RFX6: variants seen among roughly 807,000 people sequenced by gnomAD.
The protein encoded by RFX6 is regulatory factor X6.
In RFX6, 50 loss-of-function variants were observed where a neutral mutation model predicts 110.8. That is an observed-to-expected ratio of 0.45 (90% CI 0.36 to 0.57). RFX6 has a LOEUF of 0.57. Among genes scored for constraint, RFX6 ranks in the 20% least tolerant of loss-of-function variants. The pLI is 0.00. For synonymous variants in RFX6, 383 were observed against 411.2 expected (o/e 0.93, Z 0.83); for missense variants, 990 against 1,127.0 (o/e 0.88, Z 1.74).
chr6:116,927,048 T>C lies in RFX6; in HGVS notation c.1907T>C (p.Ile636Thr), dbSNP rs747463623. 2 of 1,614,106 alleles carry C rather than the reference T, an allele frequency of 1.2e-6. No individual in the cohort carries two copies. The highest frequency in any genetic ancestry group is 2.2e-5 in the East Asian group (1 of 44,884). The change falls in exon 17 of 19, where the codon ATT (isoleucine) becomes ACT (threonine). Residue 636 changes from isoleucine (I) to threonine (T), a missense_variant. Ile to Thr is a moderately conservative substitution (Grantham distance 89). Coordinates refer to ENST00000332958, the MANE Select transcript of RFX6 (RefSeq NM_173560.4). ...PLTGQMELSQ[I>T]AGHLMTPPIS... ...CCAGGTCAAATGGAGCTTTCACAGA[T>C]TGCTGGTCATCTGATGACACCACCC...
intron 16 of RFX6, 82 bp from the exon 17 acceptor site, chr6:116,926,945 A>C: frequency 7.8e-7 from 1 of 1,288,508 alleles, no homozygotes; most frequent in South Asian, 1.2e-5. Context: ...ATACATTAAT[A>C]AATCTTTTGA....
At chr6:116,899,464 A>G (rs1429976158) in intron 6 of RFX6, among the ~76,000 whole-genome samples, 1 of 152,184 alleles carries the variant, frequency 6.6e-6, no homozygotes, top group Non-Finnish European at 1.5e-5. Context: ...AGTCAACTGT[A>G]GATAGAACAA....
Position 116,927,223 on chromosome 6 carries a change from TGAC to T in RFX6, c.2083_2085del (p.Asp695del). 1 of 1,614,220 alleles carries T rather than the reference TGAC, an allele frequency of 6.2e-7. No individual in the cohort carries two copies. The highest frequency in any genetic ancestry group is 8.5e-7 in the Non-Finnish European group (1 of 1,180,026). ...ATCCCACTCTCCCTCAAGCCAATCA[TGAC>T]TTTTATAGCACCAGCTCTAACTACC... is the stretch of plus-strand genomic sequence containing the variant. On this transcript the variant is annotated inframe_deletion, in exon 17 of 19. Coordinates refer to ENST00000332958, the MANE Select transcript of RFX6 (RefSeq NM_173560.4).
chr6:116,879,757 C>A (rs1256440130), intron 2 of RFX6, among the ~76,000 whole-genome samples: 1 of 151,820 alleles, frequency 6.6e-6, no homozygotes, highest in Non-Finnish European at 1.5e-5. Context: ...AGTTTAATTT[C>A]TACATTGCTG....
At chr6:116,910,675 G>C (rs1775330157) in intron 6 of RFX6, among the ~76,000 whole-genome samples, 2 of 152,078 alleles carry the variant, frequency 1.3e-5, no homozygotes, top group Non-Finnish European at 2.9e-5. Flanking sequence ...TGTGAAAACT[G>C]ACAAATATTC....
chr6:116,928,878 C>A lies in RFX6; in HGVS notation c.2518C>A (p.Pro840Thr), dbSNP rs1775816422. 6.2e-7 allele frequency: 1 copy of A among 1,613,624 alleles called. No homozygotes were observed. The change falls in exon 18 of 19, where the codon CCA becomes ACA. Residue 840 changes from proline to threonine, a missense_variant. By Grantham distance (38) the Pro-to-Thr change is conservative (BLOSUM62 -1). Around this residue, in one of 5 missense-constraint regions of RFX6, gnomAD observed 438 missense variants for 441.9 expected, o/e 0.99. Transcript: ENST00000332958. ...SLPPYSDIHD[P>T]LNILDDSGRK... is the part of the protein sequence containing the mutation. Reference sequence around the variant, plus strand: ...GCCCCCCTACAGTGACATCCACGATCCACTTAACATTTTAGATGACAGTGG... The same window carrying A: ...GCCCCCCTACAGTGACATCCACGATACACTTAACATTTTAGATGACAGTGG...
At chr6:116,896,901 A>G (rs953048405) in intron 6 of RFX6, among the ~76,000 whole-genome samples, 4 of 152,124 alleles carry the variant, frequency 2.6e-5, no homozygotes, top group African/African-American at 9.7e-5. Flanking sequence ...GAAAGATTCT[A>G]TTTTTTTAAA....
At chr6:116,898,836 A>C (rs1775006399) in intron 6 of RFX6, among the ~76,000 whole-genome samples, 1 of 152,166 alleles carries the variant, frequency 6.6e-6, no homozygotes, top group Non-Finnish European at 1.5e-5. Flanking sequence ...GAGTTTGAGG[A>C]ACTTAAAAGA....
intron 4 of RFX6, among the ~76,000 whole-genome samples, chr6:116,887,869 G>T (rs1774733845): frequency 6.6e-6 from 1 of 152,158 alleles, no homozygotes; most frequent in Non-Finnish European, 1.5e-5. Context: ...GCTCAGAATG[G>T]CTTGGCTAAG....
chr6:116,928,468 G>T (rs1775802886), intron 17 of RFX6, among the ~76,000 whole-genome samples: 1 of 152,012 alleles, frequency 6.6e-6, no homozygotes, highest in African/African-American at 2.4e-5. Flanking sequence ...AGTGTAATCT[G>T]GTCTTAAAGT....
Position 116,924,700 on chromosome 6 carries a change from T to C in RFX6, c.1587T>C (p.Asp529=). The C allele has an allele frequency of 6.2e-7, 1 of 1,608,598 alleles. No homozygotes were observed. Among genetic ancestry groups the C allele is most frequent in the Non-Finnish European group, 8.5e-7 (1 of 1,174,976 alleles). Residue 529 remains aspartate, a synonymous_variant, in exon 15 of 19, where the codon GAT becomes GAC. Coordinates refer to ENST00000332958, the MANE Select transcript of RFX6 (RefSeq NM_173560.4). Reference sequence around the variant, plus strand: ...TTCATTTGATTCGAATGCTTCTCGATGAATACATTCTCCTGGCCATGGAGA... The same window carrying C: ...TTCATTTGATTCGAATGCTTCTCGACGAATACATTCTCCTGGCCATGGAGA... The part of the protein sequence containing the change: ...GSFHLIRMLL[D]EYILLAMETQ...
At chr6:116,900,379 C>T (rs339297) in intron 6 of RFX6, among the ~76,000 whole-genome samples, 44,042 of 151,794 alleles carry the variant, frequency 0.29, 6,565 homozygotes, top group South Asian at 0.38. Context: ...CTCAGCTTCC[C>T]GAGTAGCTGG....
Position 116,928,979 on chromosome 6 carries a change from AT to A in RFX6, c.2611+12del. The stretch of plus-strand genomic sequence containing the variant: ...GTCGAACTCCAGTCCTAGGTAAATT[AT>A]TTTAGCAGTTCTTGAAAACATTTTA... On this transcript the variant is annotated intron_variant, in intron 18 of 18. Coordinates refer to ENST00000332958, the MANE Select transcript of RFX6 (RefSeq NM_173560.4). 6.4e-7 allele frequency: 1 copy of A among 1,559,492 alleles called. No homozygotes were observed. Among genetic ancestry groups the A allele is most frequent in the Non-Finnish European group, 8.8e-7 (1 of 1,130,236 alleles).
chr6:116,913,187 C>T (rs887497173), intron 7 of RFX6, among the ~76,000 whole-genome samples: 2 of 147,824 alleles, frequency 1.4e-5, no homozygotes, highest in Non-Finnish European at 3.0e-5. Flanking sequence ...GCCTCAGCTT[C>T]TGTAGCTGGG....
chr6:116,928,993 TG>T, intron 18 of RFX6, 22 bp downstream of exon 18: 1 of 1,503,784 alleles, frequency 6.6e-7, no homozygotes, highest in African/African-American at 1.4e-5. Context: ...TAGCAGTTCT[TG>T]AAAACATTTT....
chr6:116,916,626 A>G (rs1775472247), intron 9 of RFX6, among the ~76,000 whole-genome samples: 2 of 152,162 alleles, frequency 1.3e-5, no homozygotes. Flanking sequence ...TCAGATTAAA[A>G]TAACACAGTG....
Position 116,932,004 on chromosome 6 carries a change from A to G in RFX6, c.*498A>G, listed in dbSNP as rs1399621031. The G allele has an allele frequency of 6.4e-6, 1 of 157,470 alleles. No individual in the cohort carries two copies. Among genetic ancestry groups the G allele is most frequent in the African/African-American group, 2.4e-5 (1 of 41,496 alleles). The allele number at this position is 157,470 out of a possible 1,614,324, so 9.8% of individuals were successfully genotyped here. ...GGTCAAGACTTAATTCAATTCAGAC[A>G]AGACCAAAGTTGCTTGACTTCAATT... On this transcript the variant is annotated 3_prime_UTR_variant, in exon 19 of 19. Transcript: ENST00000332958.
At chr6:116,887,426 G>A (rs918422115) in intron 4 of RFX6, among the ~76,000 whole-genome samples, 3 of 152,050 alleles carry the variant, frequency 2.0e-5, no homozygotes, top group African/African-American at 7.2e-5. Flanking sequence ...CAACCCCAGC[G>A]GCAGACACTG....
intron 14 of RFX6, among the ~76,000 whole-genome samples, chr6:116,923,762 CTA>C (rs970150099): frequency 3.3e-5 from 5 of 152,154 alleles, no homozygotes; most frequent in African/African-American, 1.2e-4. Flanking sequence ...CTTTCCTGTT[CTA>C]TATGACTTGG....
Sources: allele counts gnomAD v4.1 joint callset (sites outside exome capture counted in the v4.1 genomes callset), GRCh38; gene constraint gnomAD v4.1.1; regional missense constraint gnomAD v4.1.1; transcripts MANE v1.5; gene names NCBI Gene and HGNC (gene_info 2026-07-23, HGNC 2026-07-21).